DISP3: variants seen among roughly 807,000 people sequenced by gnomAD.
DISP3 encodes the protein protein dispatched homolog 3.
Under a neutral mutation model 135.3 loss-of-function variants are expected in DISP3, and 101 were observed. That is an observed-to-expected ratio of 0.75 (90% CI 0.64 to 0.88). The LOEUF (loss-of-function observed/expected upper bound fraction) is 0.88, where lower values mean the gene tolerates loss of function less well. Ranked by LOEUF, DISP3 falls within the 40% of genes least tolerant of loss-of-function variation. The probability of loss-of-function intolerance (pLI) is 0.00; values close to 1 mark genes in which losing one functional copy is unlikely to be tolerated. For missense variants in DISP3, 1,713 were observed against 1,878.6 expected (o/e 0.91, Z 1.63); for synonymous variants, 856 against 817.0 (o/e 1.05, Z -0.81).
At chr1:11,507,337 T>C (rs2100428428) in intron 3 of DISP3, among the ~76,000 whole-genome samples, 1 of 152,324 alleles carries the variant, frequency 6.6e-6, no homozygotes, top group South Asian at 2.1e-4. Context: ...TCCTTTCCCC[T>C]GATAGGTTCC....
Position 11,536,877 on chromosome 1 carries a change from C to A in DISP3, c.*191C>A. 1 of 795,844 alleles carries A rather than the reference C, an allele frequency of 1.3e-6. No homozygotes were observed. The highest frequency in any genetic ancestry group is 1.9e-6 in the Non-Finnish European group (1 of 529,562). The allele number at this position is 795,844 out of a possible 1,614,324, so 49.3% of individuals were successfully genotyped here. ...TTGTGGAGCTGGGAGTTGGAGACAG[C>A]CGCCACCCCACAGGCCGGGCTACTG... On this transcript the variant is annotated 3_prime_UTR_variant, in exon 21 of 21. Coordinates refer to ENST00000294484, the MANE Select transcript of DISP3 (RefSeq NM_020780.2). The surrounding 1 kb of genome is among the most constrained non-coding windows in gnomAD (Gnocchi z 4.3).
chr1:11,496,705 C>A (rs142114779), intron 1 of DISP3, among the ~76,000 whole-genome samples: 19 of 152,356 alleles, frequency 1.2e-4, no homozygotes, highest in Non-Finnish European at 2.4e-4. Flanking sequence ...TCGTGTTCCA[C>A]CCTTACCAGC....
chr1:11,501,968 C>T lies in DISP3; in HGVS notation c.976C>T (p.Pro326Ser). The change falls in exon 2 of 21, where the codon CCG becomes TCG. Residue 326 changes from proline to serine, a missense_variant. Around this residue, in one of 2 missense-constraint regions of DISP3, gnomAD observed 571 missense variants for 494.1 expected, o/e 1.16. Transcript: ENST00000294484. The surrounding 1 kb of genome is among the most constrained non-coding windows in gnomAD (Gnocchi z 4.9). ...GCCCCACGAGGTGCTCAAGGATCTG[C>T]CGCTGGGCTCCTACTCCTACTGCTC... ...WKPHEVLKDL[P>S]LGSYSYCSPP... is the part of the protein sequence containing the mutation. 1 of 1,613,896 alleles carries T rather than the reference C, an allele frequency of 6.2e-7. No homozygotes were observed.
At chr1:11,526,856 AGCC>A in intron 13 of DISP3, 21 bp downstream of exon 13, 3 of 1,589,042 alleles carry the variant, frequency 1.9e-6, no homozygotes, top group Non-Finnish European at 2.6e-6. Flanking sequence ...CTGGCAGACA[AGCC>A]GGTGCCCATC....
chr1:11,525,132 T>C, intron 11 of DISP3, 44 bp from the exon 12 acceptor site: 3 of 1,605,328 alleles, frequency 1.9e-6, no homozygotes, highest in Non-Finnish European at 2.6e-6. Flanking sequence ...GAGAAGCCAG[T>C]CGAGGTCAAG....
At position 11,502,834 on chromosome 1, in the gene DISP3, A is replaced by G; in HGVS notation, c.1253A>G (p.Gln418Arg). The change falls in exon 3 of 21, where the codon CAA (glutamine) becomes CGA (arginine). Residue 418 changes from glutamine (Q) to arginine (R), a missense_variant. Gln to Arg is a conservative substitution (Grantham distance 43). Around this residue, in one of 2 missense-constraint regions of DISP3, gnomAD observed 1,142 missense variants for 1,384.6 expected, o/e 0.82. Transcript: ENST00000294484. ...YYSVDDRWEE[Q>R]RAKFQSFVVT... ...TCAGTAGATGACCGCTGGGAGGAAC[A>G]ACGGGCTAAGTTTCAGAGCTTCGTG... 6.2e-7 allele frequency: 1 copy of G among 1,614,218 alleles called. No homozygotes were observed. The highest frequency in any genetic ancestry group is 8.5e-7 in the Non-Finnish European group (1 of 1,180,038).
chr1:11,528,127 A>C (rs1053419723), intron 13 of DISP3, among the ~76,000 whole-genome samples: 1 of 152,182 alleles, frequency 6.6e-6, no homozygotes, highest in African/African-American at 2.4e-5. Flanking sequence ...GCACTCACCC[A>C]CACTCTAAAT....
intron 7 of DISP3, 32 bp downstream of exon 7, chr1:11,517,634 G>A (rs370199475): frequency 2.5e-6 from 4 of 1,608,782 alleles, no homozygotes; most frequent in Non-Finnish European, 3.4e-6. Flanking sequence ...CCCACAGCAG[G>A]GTATCCACAA....
chr1:11,537,338 A>C lies in DISP3; in HGVS notation c.*652A>C, dbSNP rs957681133. ...AGAAGGACCCGGCTTGGGCTTCTGC[A>C]TGTCCTACCCCTGACCCCAGCCTCA... On this transcript the variant is annotated 3_prime_UTR_variant, in exon 21 of 21. Transcript: ENST00000294484. 6.6e-6 allele frequency: 1 copy of C among 151,998 alleles called. No individual in the cohort carries two copies. Among genetic ancestry groups the C allele is most frequent in the Non-Finnish European group, 1.5e-5 (1 of 68,316 alleles). The allele number at this position is 151,998 out of a possible 1,614,324, so 9.4% of individuals were successfully genotyped here.
intron 2 of DISP3, 43 bp from the exon 3 acceptor site, chr1:11,502,635 C>A (rs995905263): frequency 2.6e-6 from 4 of 1,519,662 alleles, no homozygotes; most frequent in Non-Finnish European, 3.6e-6. Flanking sequence ...TTGGTGGGAG[C>A]TGACCAGCTG....
Position 11,483,734 on chromosome 1 carries a change from G to C in DISP3, c.-4+4362G>C, listed in dbSNP as rs1485330069. ...CAGTGGCCTGGGCTGGGTACTCAAG[G>C]CTTCTGAGCCATGGCTGGGCCGGAG... On this transcript the variant is annotated intron_variant, in intron 1 of 20. Transcript: ENST00000294484. This position sits in a 1 kb window ranked among gnomAD's most constrained non-coding sequence, Gnocchi z 5.4. 6.6e-6 allele frequency among the ~76,000 whole-genome samples: 1 copy of C among 152,218 alleles called. No individual in the cohort carries two copies. The highest frequency in any genetic ancestry group is 1.5e-5 in the Non-Finnish European group (1 of 68,046).
chr1:11,520,678 T>C lies in DISP3; in HGVS notation c.2201-9T>C. 4 of 1,612,222 alleles carry C rather than the reference T, an allele frequency of 2.5e-6. No individual in the cohort carries two copies. The highest frequency in any genetic ancestry group is 3.4e-6 in the Non-Finnish European group (4 of 1,179,168). On this transcript the variant is annotated splice_polypyrimidine_tract_variant and intron_variant, in intron 9 of 20. Transcript: ENST00000294484. This position sits in a 1 kb window ranked among gnomAD's most constrained non-coding sequence, Gnocchi z 4.8. Reference sequence around the variant, plus strand: ...CAGCCCCGCCTGGTGTAGCGCCCTTTCCTCACAGGGCTGTTCGTCTCCATC... The same window carrying C: ...CAGCCCCGCCTGGTGTAGCGCCCTTCCCTCACAGGGCTGTTCGTCTCCATC...
At chr1:11,535,734 C>A in intron 20 of DISP3, 90 bp downstream of exon 20, 7 of 1,466,810 alleles carry the variant, frequency 4.8e-6, no homozygotes, top group Non-Finnish European at 6.4e-6. Context: ...GGCAGCTGAA[C>A]ATCCCAGCAC....
rs1360663086 is a variant in DISP3, at chr1:11,499,166, T to G, written c.-3-1824T>G. On this transcript the variant is annotated intron_variant, in intron 1 of 20. Transcript: ENST00000294484. This position sits in a 1 kb window ranked among gnomAD's most constrained non-coding sequence, Gnocchi z 5.2. ...GCAATGGGATCAAGGGGCCTTCAGA[T>G]CACCCAAGGAGTGTTGCTGTGACCC... Among the ~76,000 whole-genome samples the G allele has an allele frequency of 6.6e-6, 1 of 152,152 alleles. No individual in the cohort carries two copies. The highest frequency in any genetic ancestry group is 6.5e-5 in the Admixed American group (1 of 15,276).
chr1:11,504,775 C>T lies in DISP3; in HGVS notation c.1316+1878C>T, dbSNP rs1241013756. Among the ~76,000 whole-genome samples the T allele has an allele frequency of 3.3e-5, 5 of 152,300 alleles. No individual in the cohort carries two copies. The East Asian group carries it at 9.7e-4, about 29-fold the overall frequency. On this transcript the variant is annotated intron_variant, in intron 3 of 20. Coordinates refer to ENST00000294484, the MANE Select transcript of DISP3 (RefSeq NM_020780.2). ...AAAAGCCTTCACCAGAAGCCAATGC[C>T]ATGCTGTTGAACTTCCCAGCCTGCA...
intron 10 of DISP3, among the ~76,000 whole-genome samples, chr1:11,522,823 C>A (rs1570131336): frequency 6.8e-6 from 1 of 147,496 alleles, no homozygotes; most frequent in South Asian, 2.1e-4. Flanking sequence ...AGGACCCAGC[C>A]AGAGCCCAGC....
chr1:11,517,435 A>G, intron 6 of DISP3, 28 bp from the exon 7 acceptor site: 10 of 1,612,234 alleles, frequency 6.2e-6, no homozygotes, highest in Non-Finnish European at 8.5e-6. Flanking sequence ...AACCTGTCCC[A>G]CATCCCTCTC....
At chr1:11,511,506 C>G (rs1641854182) in intron 3 of DISP3, among the ~76,000 whole-genome samples, 2 of 152,230 alleles carry the variant, frequency 1.3e-5, no homozygotes, top group African/African-American at 4.8e-5. Context: ...CCAGGTCTCA[C>G]ATCCTCACAT....
chr1:11,514,321 T>C, intron 3 of DISP3, 69 bp from the exon 4 acceptor site: 1 of 1,508,072 alleles, frequency 6.6e-7, no homozygotes, highest in South Asian at 1.2e-5. Flanking sequence ...CCTCTACATG[T>C]TCACATGTTC....
Sources: gnomAD v4.1 joint callset for allele counts (sites outside exome capture counted in the v4.1 genomes callset) on GRCh38, gnomAD v4.1.1 for gene constraint, gnomAD v4.1.1 regional missense constraint, Gnocchi (gnomAD v3.1) non-coding constraint, MANE v1.5 for transcripts, NCBI Gene and HGNC (gene_info 2026-07-23, HGNC 2026-07-21) for gene names.